The following DNAH8 variants were observed in gnomAD, a reference collection of about 807,000 sequenced individuals.
DNAH8 encodes the protein axonemal beta dynein heavy chain 8.
A neutral mutation model predicts 562.1 loss-of-function variants in DNAH8; 382 were observed. That is an observed-to-expected ratio of 0.68 (90% CI 0.63 to 0.74). DNAH8 has a LOEUF of 0.74. Among genes scored for constraint, DNAH8 ranks in the 30% least tolerant of loss-of-function variants. The pLI is 0.00. For synonymous variants in DNAH8, 1,881 were observed against 1,919.4 expected (o/e 0.98, Z 0.52); for missense variants, 5,203 against 5,620.4 (o/e 0.93, Z 2.37).
intron 21 of DNAH8, among the ~76,000 whole-genome samples, chr6:38,796,801 A>T (rs538765066): frequency 1.3e-4 from 20 of 152,048 alleles, no homozygotes; most frequent in African/African-American, 4.8e-4. Flanking sequence ...GTTTTTGGAG[A>T]CATGAGCCCG....
At chr6:39,028,594 G>A (rs1471544590) in intron 92 of DNAH8, among the ~76,000 whole-genome samples, 1 of 152,154 alleles carries the variant, frequency 6.6e-6, no homozygotes, top group Non-Finnish European at 1.5e-5. Context: ...TGTGTGCAAA[G>A]TCCCTATTTC....
chr6:38,860,747 C>A, intron 43 of DNAH8, 118 bp downstream of exon 43: 2 of 630,594 alleles, frequency 3.2e-6, no homozygotes, highest in Non-Finnish European at 4.9e-6. Flanking sequence ...TAGATGCTAG[C>A]TCATTAAAGT....
chr6:38,901,761 A>C (rs1220878713), intron 62 of DNAH8, among the ~76,000 whole-genome samples: 1 of 152,240 alleles, frequency 6.6e-6, no homozygotes, highest in Non-Finnish European at 1.5e-5. Context: ...ATAAAAATTG[A>C]ACAAAATACA....
intron 57 of DNAH8, among the ~76,000 whole-genome samples, chr6:38,887,570 G>C (rs1437113229): frequency 6.6e-6 from 1 of 152,092 alleles, no homozygotes; most frequent in Non-Finnish European, 1.5e-5. Flanking sequence ...AGCTGGGCAT[G>C]GTGGCACACG....
At chr6:38,772,084 A>G (rs1767633135) in intron 12 of DNAH8, among the ~76,000 whole-genome samples, 1 of 143,712 alleles carries the variant, frequency 7.0e-6, no homozygotes. Flanking sequence ...GCCAGAGTGC[A>G]GTGGCGTGAT....
intron 61 of DNAH8, 51 bp downstream of exon 61, chr6:38,898,431 G>C: frequency 6.9e-7 from 1 of 1,439,188 alleles, no homozygotes; most frequent in East Asian, 2.5e-5. Context: ...TAAAAGCTTC[G>C]TATATTTCAT....
chr6:38,764,721 A>C (rs904136795), intron 11 of DNAH8: 1 of 152,324 alleles, frequency 6.6e-6, no homozygotes, highest in Admixed American at 6.5e-5. Context: ...TTTGTTGTGT[A>C]TGCATTTAAA....
chr6:38,718,845 C>T (rs58060884), intron 1 of DNAH8, among the ~76,000 whole-genome samples: 5,826 of 152,120 alleles, frequency 0.038, 341 homozygotes, highest in African/African-American at 0.13. Flanking sequence ...GATATGATGT[C>T]GTTCTAAACT....
intron 23 of DNAH8, among the ~76,000 whole-genome samples, chr6:38,805,871 C>T (rs1771228486): frequency 1.3e-5 from 2 of 152,138 alleles, no homozygotes; most frequent in South Asian, 2.1e-4. Context: ...GTAAATGTGA[C>T]GTCAGGGATT....
At position 38,807,690 on chromosome 6, in the gene DNAH8, A is replaced by G. The variant is rs961297427; in HGVS notation, c.3231A>G (p.Thr1077=). ...AAGCTACACGGTTATCTCTGGACAC[A>G]ATGAAAAGAAGAATATTTGTTGCAA... ...LQKATRLSLD[T]MKRRIFVASL... The change falls in exon 24 of 93, where the codon ACA becomes ACG. Residue 1077 remains threonine, a synonymous_variant. Coordinates refer to ENST00000327475, the MANE Select transcript of DNAH8 (RefSeq NM_001206927.2). 1.3e-6 allele frequency: 2 copies of G among 1,529,268 alleles called. No individual in the cohort carries two copies. Among genetic ancestry groups the G allele is most frequent in the Non-Finnish European group, 1.8e-6 (2 of 1,141,916 alleles). 94.7% of individuals were successfully genotyped at this position (1,529,268 alleles called of 1,614,324 possible).
At chr6:38,794,469 A>G (rs529513620) in intron 21 of DNAH8, among the ~76,000 whole-genome samples, 3 of 152,228 alleles carry the variant, frequency 2.0e-5, no homozygotes, top group Non-Finnish European at 4.4e-5. Context: ...ACGTTTACAT[A>G]TGATACACCC....
intron 13 of DNAH8, among the ~76,000 whole-genome samples, chr6:38,776,780 T>C (rs1738262): frequency 0.096 from 14,533 of 152,168 alleles, 1,292 homozygotes; most frequent in East Asian, 0.44. Context: ...GTATGTCAGA[T>C]GAGACTGTAA....
chr6:38,818,553 A>AAAAAAAAAAAAAAAAAGAAAAAG (rs1772509274), intron 26 of DNAH8, among the ~76,000 whole-genome samples: 1 of 150,642 alleles, frequency 6.6e-6, no homozygotes, highest in Non-Finnish European at 1.5e-5. Context: ...AAAAAAAAAA[A>AAAAAAAAAAAAAAAAAGAAAAAG]GAAGATATGG....
intron 74 of DNAH8, among the ~76,000 whole-genome samples, chr6:38,927,709 C>T (rs1206613238): frequency 6.6e-6 from 1 of 152,166 alleles, no homozygotes; most frequent in African/African-American, 2.4e-5. Flanking sequence ...TAGCTCAATG[C>T]ATGCTCCTGT....
At position 38,924,619 on chromosome 6, in the gene DNAH8, C is replaced by T. The variant is rs184717011; in HGVS notation, c.10962+457C>T. On this transcript the variant is annotated intron_variant, in intron 73 of 92. Coordinates refer to ENST00000327475, the MANE Select transcript of DNAH8 (RefSeq NM_001206927.2). ...AATTTTCTTTATGGTATAAATGTTT[C>T]TTTGCGTTTTAAGTAATCTTGCTTC... Among the ~76,000 whole-genome samples the T allele has an allele frequency of 1.4e-3, 211 of 152,026 alleles. 1 individual carries two copies. Among genetic ancestry groups the T allele is most frequent in the African/African-American group, 4.8e-3 (199 of 41,460 alleles).
At chr6:38,874,798 A>G (rs1004243278) in intron 52 of DNAH8, among the ~76,000 whole-genome samples, 1 of 152,220 alleles carries the variant, frequency 6.6e-6, no homozygotes, top group Non-Finnish European at 1.5e-5. Context: ...TAGAGCTTCA[A>G]TTCTCAGTTA....
chr6:38,734,210 G>A (rs1763887667), intron 4 of DNAH8, among the ~76,000 whole-genome samples: 1 of 151,762 alleles, frequency 6.6e-6, no homozygotes, highest in African/African-American at 2.4e-5. Flanking sequence ...TGGCTTGAAG[G>A]GAGGTGGAGG....
chr6:38,728,060 G>A (rs1295867544), intron 3 of DNAH8, among the ~76,000 whole-genome samples: 1 of 152,070 alleles, frequency 6.6e-6, no homozygotes, highest in Non-Finnish European at 1.5e-5. Context: ...CAACCTCCCA[G>A]ACTCGGGCCA....
rs1205771320 is a variant in DNAH8 at position 38,786,649 on chromosome 6, A to G, written c.2396-116A>G. The G allele has an allele frequency of 4.8e-6, 5 of 1,050,176 alleles. No homozygotes were observed. The African/African-American group carries it at 6.5e-5, about 14-fold the overall frequency. 65.1% of individuals were successfully genotyped at this position (1,050,176 alleles called of 1,614,324 possible). ...TGCCTTAGCACCTGGGGCATCCAAA[A>G]CATTTCCTTTGCCCTCAAGAAGTTA... On this transcript the variant is annotated intron_variant, in intron 17 of 92. Coordinates refer to ENST00000327475, the MANE Select transcript of DNAH8 (RefSeq NM_001206927.2).
Sources: allele counts gnomAD v4.1 joint callset (sites outside exome capture counted in the v4.1 genomes callset), GRCh38; gene constraint gnomAD v4.1.1; transcripts MANE v1.5; gene names NCBI Gene and HGNC (gene_info 2026-07-23, HGNC 2026-07-21).